LDLRAD4: variants seen among roughly 807,000 people sequenced by gnomAD.
LDLRAD4 encodes low-density lipoprotein receptor class A domain-containing protein 4.
A neutral mutation model predicts 17.0 loss-of-function variants in LDLRAD4; 5 were observed. The ratio of observed to expected loss-of-function variants is 0.29; its 90% confidence interval spans 0.15 to 0.62. LDLRAD4 has a LOEUF of 0.62. Ranked by LOEUF, LDLRAD4 falls within the 20% of genes least tolerant of loss-of-function variation. The pLI is 0.84. For synonymous variants in LDLRAD4, 168 were observed against 171.8 expected, an observed-to-expected ratio of 0.98 and a Z score of 0.17; for missense variants, 340 against 424.7, an observed-to-expected ratio of 0.80 and a Z score of 1.75.
intron 3 of LDLRAD4, among the ~76,000 whole-genome samples, chr18:13,492,043 C>G (rs1324880324): frequency 1.3e-5 from 2 of 152,170 alleles, no homozygotes; most frequent in African/African-American, 4.8e-5. Context: ...GTTTATGCTA[C>G]CTTCATAGAG....
rs2084187227 is a variant in LDLRAD4 at position 13,367,960 on chromosome 18, T to C, written c.-382-19381T>C. ...TTGCTTGAGCCTGAGAAGTCGAGGCTGCAGTGAGCCATGACGGCACCACTG... is the reference window on the plus strand; with the variant it reads ...TTGCTTGAGCCTGAGAAGTCGAGGCCGCAGTGAGCCATGACGGCACCACTG... On this transcript the variant is annotated intron_variant, in intron 1 of 5. Coordinates refer to ENST00000359446, the Ensembl canonical transcript of LDLRAD4. The surrounding 1 kb of genome is among the most constrained non-coding windows in gnomAD (Gnocchi z 4.1). Among the ~76,000 whole-genome samples the C allele has an allele frequency of 6.6e-6, 1 of 152,032 alleles. No individual in the cohort carries two copies. The highest frequency in any genetic ancestry group is 1.5e-5 in the Non-Finnish European group (1 of 67,984).
At chr18:13,644,505 T>A (rs1368806383) in intron 5 of LDLRAD4, among the ~76,000 whole-genome samples, 1 of 150,640 alleles carries the variant, frequency 6.6e-6, no homozygotes, top group East Asian at 1.9e-4. Context: ...AAGGTTAAGG[T>A]TGCAATAAGC....
intron 3 of LDLRAD4, among the ~76,000 whole-genome samples, chr18:13,588,485 G>T (rs149749547): frequency 2.2e-4 from 34 of 152,052 alleles, no homozygotes; most frequent in African/African-American, 8.2e-4. Context: ...TACAGATGGG[G>T]CTTCATTAAG....
At chr18:13,565,198 C>T (rs2094584730) in intron 3 of LDLRAD4, among the ~76,000 whole-genome samples, 1 of 152,216 alleles carries the variant, frequency 6.6e-6, no homozygotes, top group African/African-American at 2.4e-5. Context: ...TTTGTAAAAT[C>T]ATAATACATT....
chr18:13,234,481 A>ACTGTGAGCAGGCAC (rs940629476), intron 1 of LDLRAD4, among the ~76,000 whole-genome samples: 1 of 148,966 alleles, frequency 6.7e-6, no homozygotes, highest in African/African-American at 2.5e-5. Flanking sequence ...AAACAGATGG[A>ACTGTGAGCAGGCAC]CTGTGAGCAG....
chr18:13,416,461 T>G (rs1411690363), intron 2 of LDLRAD4, among the ~76,000 whole-genome samples: 1 of 152,208 alleles, frequency 6.6e-6, no homozygotes, highest in Admixed American at 6.5e-5. Flanking sequence ...GTCATCTCTC[T>G]GGGCATGTGA....
chr18:13,330,021 T>C (rs2081762400), intron 1 of LDLRAD4, among the ~76,000 whole-genome samples: 1 of 151,992 alleles, frequency 6.6e-6, no homozygotes, highest in African/African-American at 2.4e-5. Context: ...AGTGGCGCGA[T>C]CTCCGCTCAC....
intron 2 of LDLRAD4, among the ~76,000 whole-genome samples, chr18:13,409,774 A>G (rs956822795): frequency 6.6e-6 from 1 of 152,238 alleles, no homozygotes; most frequent in African/African-American, 2.4e-5. Flanking sequence ...GAACATCATA[A>G]TAATGATGCT....
chr18:13,500,353 G>A (rs775696977), intron 3 of LDLRAD4, among the ~76,000 whole-genome samples: 10 of 152,196 alleles, frequency 6.6e-5, no homozygotes, highest in Non-Finnish European at 1.2e-4. Flanking sequence ...GACAGTGGCC[G>A]CGTCTCTGTC....
chr18:13,379,935 G>A (rs1234042783), intron 1 of LDLRAD4, among the ~76,000 whole-genome samples: 1 of 151,768 alleles, frequency 6.6e-6, no homozygotes, highest in Non-Finnish European at 1.5e-5. Context: ...GAGTGGGGGA[G>A]ATCCCTGGGT....
intron 3 of LDLRAD4, among the ~76,000 whole-genome samples, chr18:13,504,940 G>T (rs1211603602): frequency 2.0e-5 from 3 of 152,132 alleles, no homozygotes; most frequent in Non-Finnish European, 4.4e-5. Flanking sequence ...GCACCGACGA[G>T]GGGTGGATGG....
intron 1 of LDLRAD4, among the ~76,000 whole-genome samples, chr18:13,229,680 G>C (rs1402688301): frequency 6.6e-6 from 1 of 152,174 alleles, no homozygotes; most frequent in African/African-American, 2.4e-5. Context: ...GCCCAGAGGT[G>C]GTGGCTCTGA....
Position 13,609,483 on chromosome 18 carries a change from C to T in LDLRAD4, c.182-11634C>T, listed in dbSNP as rs1224368228. 3.9e-5 allele frequency among the ~76,000 whole-genome samples: 6 copies of T among 152,226 alleles called. No homozygotes were observed. In the East Asian group the frequency reaches 1.2e-3, roughly 29 times the overall value. ...ACACATCCCAAGACAGACTCTACAC[C>T]ATGTCCCCAGACACCCACAGGAGCG... is the stretch of plus-strand genomic sequence containing the variant. On this transcript the variant is annotated intron_variant, in intron 3 of 5. Transcript: ENST00000359446.
chr18:13,366,323 G>T (rs1001888417), intron 1 of LDLRAD4: 1 of 151,258 alleles, frequency 6.6e-6, no homozygotes, highest in Non-Finnish European at 1.5e-5. Context: ...CAATGAATGA[G>T]TATTCAGGAA....
intron 3 of LDLRAD4, among the ~76,000 whole-genome samples, chr18:13,467,022 G>T (rs372526295): frequency 9.1e-4 from 138 of 152,216 alleles, no homozygotes; most frequent in African/African-American, 2.2e-3. Context: ...CTATAGCAGG[G>T]TATTTATGAA....
chr18:13,446,973 G>T (rs1052357330), intron 3 of LDLRAD4, among the ~76,000 whole-genome samples: 3 of 152,172 alleles, frequency 2.0e-5, no homozygotes, highest in Non-Finnish European at 2.9e-5. Flanking sequence ...TGGGTCAGGG[G>T]TCTTCCAGGT....
chr18:13,438,495 A>G (rs1306518864), intron 3 of LDLRAD4, 111 bp downstream of exon 4: 1 of 827,544 alleles, frequency 1.2e-6, no homozygotes, highest in East Asian at 2.4e-5. Context: ...AAGGAAAGAG[A>G]TTTGCATTTT....
chr18:13,372,210 A>G (rs2084569818), intron 1 of LDLRAD4, among the ~76,000 whole-genome samples: 1 of 152,232 alleles, frequency 6.6e-6, no homozygotes, highest in Non-Finnish European at 1.5e-5. Flanking sequence ...GCCCTCAGGA[A>G]GTGCTGGCAG....
chr18:13,313,668 G>A (rs1401902703), intron 1 of LDLRAD4, among the ~76,000 whole-genome samples: 1 of 152,192 alleles, frequency 6.6e-6, no homozygotes, highest in Admixed American at 6.5e-5. Flanking sequence ...TGCACCTATT[G>A]ATGTACTGCG....
Sources: gnomAD v4.1 joint callset for allele counts (sites outside exome capture counted in the v4.1 genomes callset) on GRCh38, gnomAD v4.1.1 for gene constraint, Gnocchi (gnomAD v3.1) non-coding constraint, MANE v1.5 for transcripts, NCBI Gene and HGNC (gene_info 2026-07-23, HGNC 2026-07-21) for gene names.